KCNMA1: variants seen among roughly 807,000 people sequenced by gnomAD.
KCNMA1 encodes potassium calcium-activated channel subfamily M alpha 1.
KCNMA1 carries 29 observed loss-of-function variants against 140.0 expected under a neutral mutation model. The ratio of observed to expected loss-of-function variants is 0.21; its 90% confidence interval spans 0.15 to 0.28. The LOEUF is 0.28. Among genes scored for constraint, KCNMA1 ranks in the 10% least tolerant of loss-of-function variants. The probability of loss-of-function intolerance (pLI) is 1.00; values close to 1 mark genes in which losing one functional copy is unlikely to be tolerated. For missense variants in KCNMA1, 880 were observed against 1,602.2 expected, an observed-to-expected ratio of 0.55 and a Z score of 7.70; for synonymous variants, 612 against 611.9, an observed-to-expected ratio of 1.00 and a Z score of 0.00.
At chr10:77,284,813 G>A (rs574813284) in intron 2 of KCNMA1, among the ~76,000 whole-genome samples, 1 of 152,046 alleles carries the variant, frequency 6.6e-6, no homozygotes, top group Non-Finnish European at 1.5e-5. Context: ...CGCGCCCAAC[G>A]AGACTCTGTT....
chr10:77,187,043 A>G (rs767170606), intron 3 of KCNMA1, among the ~76,000 whole-genome samples: 1 of 152,138 alleles, frequency 6.6e-6, no homozygotes, highest in African/African-American at 2.4e-5. Flanking sequence ...TTGCCCTCAC[A>G]GTCGTTATTG....
chr10:77,117,292 T>A (rs1292997439), intron 6 of KCNMA1, among the ~76,000 whole-genome samples: 1 of 152,020 alleles, frequency 6.6e-6, no homozygotes, highest in Non-Finnish European at 1.5e-5. Context: ...CTCACACCTG[T>A]AATCCCAGCA....
At chr10:77,190,954 C>T (rs1313110792) in intron 3 of KCNMA1, among the ~76,000 whole-genome samples, 2 of 152,146 alleles carry the variant, frequency 1.3e-5, no homozygotes, top group Non-Finnish European at 2.9e-5. Context: ...TACTTAGACA[C>T]TCTGAAGACT....
chr10:77,444,816 A>G lies in KCNMA1; in HGVS notation c.379-40793T>C, dbSNP rs149217836. 4.6e-3 allele frequency among the ~76,000 whole-genome samples: 695 copies of G among 152,268 alleles called. 8 individuals carry two copies. Among genetic ancestry groups the G allele is most frequent in the African/African-American group, 0.016 (666 of 41,546 alleles). On this transcript the variant is annotated intron_variant, in intron 1 of 27. Transcript: ENST00000286628. ...GTGGATTCCCCCACCGAGCAAGAGG[A>G]AAAACACACCCAAGAGTTACCGAGT...
chr10:77,056,573 G>A, intron 14 of KCNMA1, among the ~76,000 whole-genome samples: 1 of 151,232 alleles, frequency 6.6e-6, no homozygotes, highest in East Asian at 1.9e-4. Flanking sequence ...ATCTCAACTT[G>A]CATGGAAAAA....
Position 77,623,999 on chromosome 10 carries a change from G to A in KCNMA1, c.378+13266C>T, listed in dbSNP as rs1465527739. Among the ~76,000 whole-genome samples, 8 of 152,132 alleles carry A rather than the reference G, an allele frequency of 5.3e-5. No homozygotes were observed. In the East Asian group the frequency reaches 5.8e-4, roughly 11 times the overall value. On this transcript the variant is annotated intron_variant, in intron 1 of 27. Transcript: ENST00000286628. ...AAGTTCTGATGTGCTGGCTGCTTAC[G>A]GTTCAGGGGGAGTTTTTTTCGGAGG... is the stretch of plus-strand genomic sequence containing the variant.
At chr10:77,101,487 C>T (rs1280067589) in intron 9 of KCNMA1, among the ~76,000 whole-genome samples, 1 of 152,146 alleles carries the variant, frequency 6.6e-6, no homozygotes, top group African/African-American at 2.4e-5. Context: ...GTTATTGGGG[C>T]CTGTGTTTCC....
chr10:76,932,238 C>G (rs1420314795), intron 23 of KCNMA1, among the ~76,000 whole-genome samples: 5 of 152,106 alleles, frequency 3.3e-5, no homozygotes. Context: ...AGTAGATTAT[C>G]ACCATTTTTT....
At chr10:77,032,615 G>T (rs1475436856) in intron 15 of KCNMA1, among the ~76,000 whole-genome samples, 1 of 152,046 alleles carries the variant, frequency 6.6e-6, no homozygotes, top group Non-Finnish European at 1.5e-5. Context: ...TCACAAAAAG[G>T]TCTTAAGCCA....
Position 77,472,694 on chromosome 10 carries a change from G to A in KCNMA1, c.379-68671C>T, listed in dbSNP as rs572105172. Among the ~76,000 whole-genome samples, 330 of 152,304 alleles carry A rather than the reference G, an allele frequency of 2.2e-3. 1 individual carries two copies. Among genetic ancestry groups the A allele is most frequent in the Middle Eastern group, 6.8e-3 (2 of 294 alleles). On this transcript the variant is annotated intron_variant, in intron 1 of 27. Transcript: ENST00000286628. ...AAAAATTATTTCTTTTTATTCTGTT[G>A]TTGTTTGGCACTACAATATAAATAT...
At chr10:77,412,749 T>C (rs2096647725) in intron 1 of KCNMA1, among the ~76,000 whole-genome samples, 1 of 152,236 alleles carries the variant, frequency 6.6e-6, no homozygotes, top group Non-Finnish European at 1.5e-5. Flanking sequence ...TCACCTATTA[T>C]GGTTCTGTGC....
intron 25 of KCNMA1, 74 bp downstream of exon 25, chr10:76,909,892 G>T (rs1244365230): frequency 6.5e-7 from 1 of 1,529,878 alleles, no homozygotes; most frequent in Non-Finnish European, 8.9e-7. Context: ...GCAGCCCAGG[G>T]CCTCAAAGGT....
At chr10:77,493,206 T>A (rs2040574194) in intron 1 of KCNMA1, among the ~76,000 whole-genome samples, 7 of 152,260 alleles carry the variant, frequency 4.6e-5, no homozygotes, top group Admixed American at 4.6e-4. Context: ...CAGGAGACCC[T>A]GGCCCCTCCA....
chr10:77,419,525 A>T (rs1266078615), intron 1 of KCNMA1, among the ~76,000 whole-genome samples: 1 of 152,130 alleles, frequency 6.6e-6, no homozygotes. Flanking sequence ...TGAACTTGAG[A>T]CGTCAAAGGT....
intron 2 of KCNMA1, among the ~76,000 whole-genome samples, chr10:77,367,291 G>A (rs1003887680): frequency 3.3e-5 from 5 of 152,142 alleles, no homozygotes; most frequent in Non-Finnish European, 7.3e-5. Flanking sequence ...AGATTTCAGG[G>A]GAAAGAGCTT....
In KCNMA1 at chr10:77,463,851, A is replaced by C. The variant is rs563132512; in HGVS notation, c.379-59828T>G. ...GGCAACATGCAAATTAGTAACAGGA[A>C]GTGGGACAGGCGACAGGAGCTGGAA... On this transcript the variant is annotated intron_variant, in intron 1 of 27. Transcript: ENST00000286628. Among the ~76,000 whole-genome samples the C allele has an allele frequency of 5.9e-5, 9 of 152,254 alleles. No individual in the cohort carries two copies. In the South Asian group the frequency reaches 1.9e-3, roughly 32 times the overall value.
chr10:77,127,043 G>T (rs1273575903), intron 5 of KCNMA1, among the ~76,000 whole-genome samples: 1 of 149,088 alleles, frequency 6.7e-6, no homozygotes, highest in Non-Finnish European at 1.5e-5. Flanking sequence ...CATCAAACTG[G>T]ACTAGAAAGC....
intron 9 of KCNMA1, among the ~76,000 whole-genome samples, chr10:77,100,159 A>C (rs1478036958): frequency 2.0e-5 from 3 of 152,194 alleles, no homozygotes; most frequent in African/African-American, 4.8e-5. Context: ...AAGCTCCAGG[A>C]GAGCAAGAAC....
In KCNMA1 at chr10:77,476,102, C is replaced by T. The variant is rs570459139; in HGVS notation, c.379-72079G>A. ...GCCGCACGGTGCTGGCCTCCTCCAG[C>T]GACTTTGAGCAGGAGAGCAAATGAG... On this transcript the variant is annotated intron_variant, in intron 1 of 27. Coordinates refer to ENST00000286628, the MANE Select transcript of KCNMA1 (RefSeq NM_001161352.2). Among the ~76,000 whole-genome samples the T allele has an allele frequency of 1.5e-3, 227 of 152,298 alleles. 3 individuals carry two copies. The highest frequency in any genetic ancestry group is 1.7e-3 in the Non-Finnish European group (113 of 68,034).
Sources: gnomAD v4.1 joint callset for allele counts (sites outside exome capture counted in the v4.1 genomes callset) on GRCh38, gnomAD v4.1.1 for gene constraint, MANE v1.5 for transcripts, NCBI Gene and HGNC (gene_info 2026-07-23, HGNC 2026-07-21) for gene names.